Variants in NXPE2 observed in about 807,000 individuals in gnomAD.
NXPE2 encodes neurexophilin and PC-esterase domain family member 2, also known as NXPE family member 2.
Under a neutral mutation model 34.4 loss-of-function variants are expected in NXPE2, and 34 were observed. That is an observed-to-expected ratio of 0.99 (90% CI 0.75 to 1.31). NXPE2 has a LOEUF of 1.31. Among genes scored for constraint, NXPE2 ranks in the 40% most tolerant of loss-of-function variants. The pLI is 0.00. For synonymous variants in NXPE2, 235 were observed against 231.3 expected, an observed-to-expected ratio of 1.02 and a Z score of -0.15; for missense variants, 649 against 672.5, an observed-to-expected ratio of 0.97 and a Z score of 0.39.
the NXPE2 span, chr11:114,582,833 G>A: frequency 1.7e-4 from 278 of 1,614,186 alleles, 3 homozygotes; most frequent in East Asian, 6.0e-3. Flanking sequence ...GTGTGGCGCT[G>A]GTGGTGGTGT....
chr11:114,498,192 C>T, the NXPE2 span, among the ~76,000 whole-genome samples: 3 of 151,970 alleles, frequency 2.0e-5, no homozygotes, highest in Non-Finnish European at 2.9e-5. Context: ...AGTACATTTT[C>T]ATTTTGTTTA....
At chr11:114,761,211 T>C in the NXPE2 span, among the ~76,000 whole-genome samples, 2 of 152,318 alleles carry the variant, frequency 1.3e-5, no homozygotes, top group Non-Finnish European at 2.9e-5. Flanking sequence ...CCTTTCTAGG[T>C]AGAGGTTGAA....
chr11:114,468,869 G>A, the NXPE2 span, among the ~76,000 whole-genome samples: 1 of 152,128 alleles, frequency 6.6e-6, no homozygotes, highest in African/African-American at 2.4e-5. Context: ...GGAGACTCCA[G>A]GCCAAAGGGA....
chr11:114,554,378 A>T, the NXPE2 span: 1 of 985,188 alleles, frequency 1.0e-6, no homozygotes, highest in Non-Finnish European at 1.2e-6. Context: ...CCTAGCTTAG[A>T]CCACAGAGGT....
chr11:114,492,215 AT>A, the NXPE2 span, among the ~76,000 whole-genome samples: 1 of 152,060 alleles, frequency 6.6e-6, no homozygotes, highest in Non-Finnish European at 1.5e-5. Flanking sequence ...GATATTTTGT[AT>A]TTTTTGTTTG....
At chr11:114,805,181 A>G in the NXPE2 span, among the ~76,000 whole-genome samples, 2 of 150,096 alleles carry the variant, frequency 1.3e-5, no homozygotes, top group African/African-American at 4.9e-5. Flanking sequence ...ACTTTTTGGG[A>G]CCACAAGGAG....
chr11:114,753,337 G>A, the NXPE2 span, among the ~76,000 whole-genome samples: 1 of 152,178 alleles, frequency 6.6e-6, no homozygotes, highest in Non-Finnish European at 1.5e-5. Flanking sequence ...AGGCTGCAGT[G>A]AGTCGTGATT....
the NXPE2 span, among the ~76,000 whole-genome samples, chr11:114,586,239 T>A: frequency 6.6e-6 from 1 of 152,170 alleles, no homozygotes; most frequent in African/African-American, 2.4e-5. Flanking sequence ...CTGTTAAACC[T>A]CTGCTCTTAA....
chr11:114,470,623 GTA>G, the NXPE2 span, among the ~76,000 whole-genome samples: 1 of 139,510 alleles, frequency 7.2e-6, no homozygotes, highest in Non-Finnish European at 1.6e-5. Context: ...GTGTGTGTGT[GTA>G]TACAGAGAGG....
the NXPE2 span, among the ~76,000 whole-genome samples, chr11:114,732,924 T>G: frequency 6.6e-6 from 1 of 152,230 alleles, no homozygotes; most frequent in Non-Finnish European, 1.5e-5. Context: ...TTCTTCATTT[T>G]TAACCTGTTC....
chr11:114,695,832 C>CACAT (rs1951240833), intron 2 of NXPE2, among the ~76,000 whole-genome samples: 1 of 117,050 alleles, frequency 8.5e-6, no homozygotes, highest in African/African-American at 3.8e-5. Flanking sequence ...CTCTACTAAA[C>CACAT]ACACACACAC....
the NXPE2 span, among the ~76,000 whole-genome samples, chr11:114,626,672 G>A: frequency 6.6e-6 from 1 of 152,216 alleles, no homozygotes; most frequent in Admixed American, 6.5e-5. Flanking sequence ...GCTGGACGGA[G>A]AATGACTTTG....
the NXPE2 span, among the ~76,000 whole-genome samples, chr11:114,485,504 A>G: frequency 4.7e-5 from 7 of 148,266 alleles, no homozygotes; most frequent in South Asian, 1.5e-3. Context: ...TGTTGGGATT[A>G]CAGGCGTGAA....
At chr11:114,586,229 C>A in the NXPE2 span, among the ~76,000 whole-genome samples, 1 of 152,158 alleles carries the variant, frequency 6.6e-6, no homozygotes, top group East Asian at 1.9e-4. Flanking sequence ...TTTCTTTTGC[C>A]TGTTAAACCT....
chr11:114,797,552 C>T, the NXPE2 span, among the ~76,000 whole-genome samples: 1 of 152,122 alleles, frequency 6.6e-6, no homozygotes, highest in Non-Finnish European at 1.5e-5. Flanking sequence ...CGTGGAGCTC[C>T]TCAGGCTCAG....
chr11:114,485,656 C>T, the NXPE2 span, among the ~76,000 whole-genome samples: 3 of 152,136 alleles, frequency 2.0e-5, no homozygotes, highest in African/African-American at 7.2e-5. Flanking sequence ...CCCAAACACA[C>T]TACCCTTCCC....
the NXPE2 span, among the ~76,000 whole-genome samples, chr11:114,575,727 C>T: frequency 1.3e-5 from 2 of 152,182 alleles, no homozygotes; most frequent in African/African-American, 4.8e-5. Flanking sequence ...AAACACATCA[C>T]ATGCTCATGG....
chr11:114,644,825 T>A, the NXPE2 span, among the ~76,000 whole-genome samples: 23 of 145,230 alleles, frequency 1.6e-4, no homozygotes, highest in East Asian at 1.8e-3. Context: ...GATATCAATT[T>A]AAAAAAAAAA....
the NXPE2 span, among the ~76,000 whole-genome samples, chr11:114,728,166 C>A: frequency 6.6e-6 from 1 of 152,092 alleles, no homozygotes; most frequent in African/African-American, 2.4e-5. Flanking sequence ...TATAAGCCTT[C>A]TACCCCTCTC....
Sources: allele counts gnomAD v4.1 joint callset (sites outside exome capture counted in the v4.1 genomes callset), GRCh38; gene constraint gnomAD v4.1.1; transcripts MANE v1.5; gene names NCBI Gene and HGNC (gene_info 2026-07-23, HGNC 2026-07-21).